The following PAPSS1 variants were observed in gnomAD, a reference collection of about 807,000 sequenced individuals.
PAPSS1 encodes 3'-phosphoadenosine 5'-phosphosulfate synthase 1, also known as bifunctional 3'-phosphoadenosine 5'-phosphosulfate synthase 1.
Under a neutral mutation model 72.0 loss-of-function variants are expected in PAPSS1, and 50 were observed. The observed-to-expected ratio is 0.69, with a 90% CI of 0.55 to 0.88. PAPSS1 has a LOEUF of 0.88. PAPSS1 is among the 40% of genes least tolerant of loss of function. The pLI is 0.00. For synonymous variants in PAPSS1, 261 were observed against 263.6 expected (o/e 0.99, Z 0.09); for missense variants, 657 against 782.2 (o/e 0.84, Z 1.91).
rs571860229 is a variant in PAPSS1, at chr4:107,676,290, G to A, written c.669+5725C>T. Among the ~76,000 whole-genome samples, 62 of 152,096 alleles carry A rather than the reference G, an allele frequency of 4.1e-4. 1 individual carries two copies. The East Asian group carries it at 0.011, about 26-fold the overall frequency. ...GATTGTATATCTAGAAAACCCCATCGTCTCAGCCCAAAATCTCCTTAAGCT... is the reference window on the plus strand; with the variant it reads ...GATTGTATATCTAGAAAACCCCATCATCTCAGCCCAAAATCTCCTTAAGCT... On this transcript the variant is annotated intron_variant, in intron 5 of 11. Coordinates refer to ENST00000265174, the MANE Select transcript of PAPSS1 (RefSeq NM_005443.5).
At chr4:107,621,626 T>TTTTTTTTTTTTTTTTTTG (rs1725960499) in intron 11 of PAPSS1, among the ~76,000 whole-genome samples, 1 of 120,382 alleles carries the variant, frequency 8.3e-6, no homozygotes, top group Non-Finnish European at 1.7e-5. Context: ...TTTTTTTTTT[T>TTTTTTTTTTTTTTTTTTG]TTTTTTTTTT....
At chr4:107,697,635 TTCATTTAGATAATTATAG>T in intron 2 of PAPSS1, among the ~76,000 whole-genome samples, 1 of 152,334 alleles carries the variant, frequency 6.6e-6, no homozygotes, top group South Asian at 2.1e-4. Flanking sequence ...TATAAACAGT[TTCATTTAGATAATTATAG>T]TCAACAGAGC....
At chr4:107,630,333 G>T (rs1404859117) in intron 11 of PAPSS1, among the ~76,000 whole-genome samples, 3 of 152,206 alleles carry the variant, frequency 2.0e-5, no homozygotes, top group African/African-American at 7.2e-5. Context: ...ATTCCATCTT[G>T]AATTATAATC....
chr4:107,717,337 G>A (rs1025329214), intron 1 of PAPSS1, among the ~76,000 whole-genome samples: 1 of 151,970 alleles, frequency 6.6e-6, no homozygotes, highest in African/African-American at 2.4e-5. Context: ...GTTTAAAATG[G>A]GTCCAGCACT....
At chr4:107,694,798 C>T (rs1440259540) in intron 2 of PAPSS1, among the ~76,000 whole-genome samples, 1 of 152,126 alleles carries the variant, frequency 6.6e-6, no homozygotes, top group African/African-American at 2.4e-5. Flanking sequence ...ACTCAGTAAA[C>T]AAAGAGAAGG....
chr4:107,630,277 C>T (rs1726195930), intron 11 of PAPSS1, among the ~76,000 whole-genome samples: 1 of 152,132 alleles, frequency 6.6e-6, no homozygotes, highest in South Asian at 2.1e-4. Context: ...TTTTTGAAGT[C>T]CCCTCACGTA....
chr4:107,643,181 T>A (rs1422659445), intron 10 of PAPSS1, among the ~76,000 whole-genome samples: 1 of 152,174 alleles, frequency 6.6e-6, no homozygotes. Flanking sequence ...ATATGCGGTA[T>A]GATCTGAATT....
At chr4:107,707,828 G>C (rs1723378269) in intron 1 of PAPSS1, among the ~76,000 whole-genome samples, 1 of 152,162 alleles carries the variant, frequency 6.6e-6, no homozygotes, top group Admixed American at 6.5e-5. Flanking sequence ...GTCCCATTCT[G>C]TCATTTTGCT....
intron 11 of PAPSS1, among the ~76,000 whole-genome samples, chr4:107,621,856 C>G (rs1416727781): frequency 6.6e-6 from 1 of 151,742 alleles, no homozygotes; most frequent in Non-Finnish European, 1.5e-5. Flanking sequence ...TCTTGATCTC[C>G]TGACCTCGTA....
At position 107,693,946 on chromosome 4, in the gene PAPSS1, T is replaced by A. The variant is rs755589394; in HGVS notation, c.236A>T (p.His79Leu). 5 of 1,613,878 alleles carry A rather than the reference T, an allele frequency of 3.1e-6. No homozygotes were observed. Among genetic ancestry groups the A allele is most frequent in the Non-Finnish European group, 4.2e-6 (5 of 1,179,860 alleles). Residue 79 changes from histidine to leucine, a missense_variant, in exon 3 of 12, where the codon CAT becomes CTT. This residue lies in a region of PAPSS1 where 119 missense variants were observed against 171.1 expected (regional missense o/e 0.70). Coordinates refer to ENST00000265174, the MANE Select transcript of PAPSS1 (RefSeq NM_005443.5). ...SMALEEYLVC[H>L]GIPCYTLDGD... The stretch of plus-strand genomic sequence containing the variant: ...ATCCAGAGTGTAGCATGGAATACCA[T>A]GACAAACCAGGTACTCCTCCAAGGC...
At chr4:107,695,382 G>T (rs1214629675) in intron 2 of PAPSS1, among the ~76,000 whole-genome samples, 6 of 152,174 alleles carry the variant, frequency 3.9e-5, no homozygotes, top group Admixed American at 6.5e-5. Context: ...AGCTTAAGGA[G>T]TTTTGGGGCT....
Position 107,653,638 on chromosome 4 carries a change from A to C in PAPSS1, c.1102-12T>G, listed in dbSNP as rs377544822. ...TGTTCCATCACCATCTAATAGGAAA[A>C]ACAAATTTTTTTAATGGAAACCGAG... On this transcript the variant is annotated splice_polypyrimidine_tract_variant and intron_variant, in intron 8 of 11. Transcript: ENST00000265174. 3.4e-5 allele frequency: 54 copies of C among 1,606,084 alleles called. No homozygotes were observed. The highest frequency in any genetic ancestry group is 1.9e-4 in the Admixed American group (11 of 58,284).
intron 10 of PAPSS1, 30 bp from the exon 11 acceptor site, chr4:107,631,890 T>C (rs899350042): frequency 6.7e-7 from 1 of 1,489,058 alleles, no homozygotes; most frequent in Non-Finnish European, 9.3e-7. Context: ...TTAGGTAACT[T>C]TGCTTTTATG....
rs543479411 is a variant in PAPSS1, at chr4:107,714,634, AT to A, written c.60+5485del. ...TTACATTTGCATTTCAGATTTAAGA[AT>A]TTTTTTTAGAAATTTAGGTTTTTTT... is the stretch of plus-strand genomic sequence containing the variant. On this transcript the variant is annotated intron_variant, in intron 1 of 11. Transcript: ENST00000265174. Among the ~76,000 whole-genome samples, 149 of 152,216 alleles carry A rather than the reference AT, an allele frequency of 9.8e-4. 1 individual carries two copies. Among genetic ancestry groups the A allele is most frequent in the Middle Eastern group, 3.4e-3 (1 of 294 alleles).
intron 1 of PAPSS1, among the ~76,000 whole-genome samples, chr4:107,707,509 C>T (rs1003445144): frequency 6.6e-6 from 1 of 152,148 alleles, no homozygotes; most frequent in Non-Finnish European, 1.5e-5. Flanking sequence ...CGGGGGCCTG[C>T]CTTGCACTGA....
intron 1 of PAPSS1, among the ~76,000 whole-genome samples, chr4:107,704,301 T>A (rs1723280955): frequency 6.6e-6 from 1 of 152,252 alleles, no homozygotes; most frequent in Non-Finnish European, 1.5e-5. Context: ...AGGAACAATT[T>A]AACTTCTACT....
At chr4:107,641,817 C>T (rs368721429) in intron 10 of PAPSS1, among the ~76,000 whole-genome samples, 32 of 152,288 alleles carry the variant, frequency 2.1e-4, no homozygotes, top group African/African-American at 7.2e-4. Context: ...TCTAGGACTT[C>T]ATAGACTTAT....
chr4:107,677,243 C>G (rs1373933261), intron 5 of PAPSS1, among the ~76,000 whole-genome samples: 1 of 152,130 alleles, frequency 6.6e-6, no homozygotes, highest in Non-Finnish European at 1.5e-5. Context: ...TCAGAGTGAA[C>G]AGGCAACCCA....
At chr4:107,698,059 G>A (rs1047048830) in intron 2 of PAPSS1, among the ~76,000 whole-genome samples, 4 of 152,220 alleles carry the variant, frequency 2.6e-5, no homozygotes, top group Admixed American at 2.6e-4. Flanking sequence ...CTCGAGAACT[G>A]TGGGAGAATA....
Sources: gnomAD v4.1 joint callset for allele counts (sites outside exome capture counted in the v4.1 genomes callset) on GRCh38, gnomAD v4.1.1 for gene constraint, gnomAD v4.1.1 regional missense constraint, MANE v1.5 for transcripts, NCBI Gene and HGNC (gene_info 2026-07-23, HGNC 2026-07-21) for gene names.